Variants in FGGY observed in about 807,000 individuals in gnomAD.
FGGY encodes FGGY carbohydrate kinase domain-containing protein.
A neutral mutation model predicts 71.3 loss-of-function variants in FGGY; 72 were observed. That is an observed-to-expected ratio of 1.01 (90% CI 0.84 to 1.23). The LOEUF is 1.23. Among genes scored for constraint, FGGY ranks in the 50% most tolerant of loss-of-function variants. The pLI is 0.00. For synonymous variants in FGGY, 251 were observed against 250.3 expected, an observed-to-expected ratio of 1.00 and a Z score of -0.02; for missense variants, 668 against 682.3, an observed-to-expected ratio of 0.98 and a Z score of 0.23.
At chr1:59,589,088 G>A (rs540553911) in intron 8 of FGGY, among the ~76,000 whole-genome samples, 1 of 152,262 alleles carries the variant, frequency 6.6e-6, no homozygotes, top group South Asian at 2.1e-4. Flanking sequence ...TAAAAGGATG[G>A]AGGAAGATCT....
intron 14 of FGGY, among the ~76,000 whole-genome samples, chr1:59,715,578 T>G (rs1401367086): frequency 6.6e-6 from 1 of 152,240 alleles, no homozygotes; most frequent in Non-Finnish European, 1.5e-5. Flanking sequence ...CAGTCAAGCC[T>G]GTGCTCTAAG....
At chr1:59,371,981 ACAT>A (rs2057731730) in intron 4 of FGGY, among the ~76,000 whole-genome samples, 1 of 152,112 alleles carries the variant, frequency 6.6e-6, no homozygotes. Flanking sequence ...TGACACCCTA[ACAT>A]CACAATTAAA....
In FGGY at chr1:59,588,554, C is replaced by A. The variant is rs991242108; in HGVS notation, c.904-19249C>A. On this transcript the variant is annotated intron_variant, in intron 8 of 15. Transcript: ENST00000303721. ...CAGCCAGAGAGAAAGGGCGGGTTAC[C>A]CACAAAGGGAAGCCCATCAGACTAA... is the stretch of plus-strand genomic sequence containing the variant. Among the ~76,000 whole-genome samples the A allele has an allele frequency of 1.8e-4, 27 of 152,198 alleles. 1 individual carries two copies. Among genetic ancestry groups the A allele is most frequent in the Admixed American group, 6.5e-4 (10 of 15,286 alleles).
intron 6 of FGGY, among the ~76,000 whole-genome samples, chr1:59,487,020 G>A (rs2093677365): frequency 6.6e-6 from 1 of 152,136 alleles, no homozygotes; most frequent in African/African-American, 2.4e-5. Flanking sequence ...ACACTCCAAG[G>A]AGTCTCATGT....
At position 59,461,874 on chromosome 1, in the gene FGGY, G is replaced by A. The variant is rs569490289; in HGVS notation, c.670+4798G>A. ...AAGTTTTAGGGTACATGTGCACAAT[G>A]TGCAGGTTAGTTACATATGTATACA... On this transcript the variant is annotated intron_variant, in intron 6 of 15. Coordinates refer to ENST00000303721, the MANE Select transcript of FGGY (RefSeq NM_018291.5). Among the ~76,000 whole-genome samples the A allele has an allele frequency of 3.6e-4, 54 of 151,822 alleles. 1 individual carries two copies. The South Asian group carries it at 9.8e-3, about 28-fold the overall frequency.
intron 6 of FGGY, among the ~76,000 whole-genome samples, chr1:59,501,939 A>G (rs2094238109): frequency 6.6e-6 from 1 of 152,310 alleles, no homozygotes; most frequent in South Asian, 2.1e-4. Context: ...ATACACTGGG[A>G]ATAGGGAGTC....
At chr1:59,619,682 T>C (rs894772161) in intron 9 of FGGY, among the ~76,000 whole-genome samples, 29 of 152,054 alleles carry the variant, frequency 1.9e-4, no homozygotes, top group African/African-American at 6.8e-4. Flanking sequence ...GTCTACATTA[T>C]TGGCCACAGT....
At chr1:59,533,949 T>G (rs2095239565) in intron 7 of FGGY, among the ~76,000 whole-genome samples, 1 of 152,198 alleles carries the variant, frequency 6.6e-6, no homozygotes, top group Non-Finnish European at 1.5e-5. Flanking sequence ...GGAACGGAGT[T>G]CCTCACCAGC....
intron 14 of FGGY, among the ~76,000 whole-genome samples, chr1:59,683,391 G>T (rs1573132120): frequency 2.0e-5 from 3 of 152,158 alleles, no homozygotes; most frequent in Non-Finnish European, 4.4e-5. Context: ...ATAAAGCAGG[G>T]TTGTTGGGGG....
chr1:59,695,672 C>G (rs939650696), intron 14 of FGGY, among the ~76,000 whole-genome samples: 1 of 152,162 alleles, frequency 6.6e-6, no homozygotes, highest in Non-Finnish European at 1.5e-5. Context: ...GTAGTTAGTA[C>G]AAAACCAGGA....
chr1:59,444,883 G>C (rs567227363), intron 5 of FGGY, among the ~76,000 whole-genome samples: 2 of 152,248 alleles, frequency 1.3e-5, no homozygotes, highest in South Asian at 2.1e-4. Context: ...GTATAAAACA[G>C]AGTTTATTTC....
intron 14 of FGGY, among the ~76,000 whole-genome samples, chr1:59,722,310 G>C (rs1224170003): frequency 1.3e-5 from 2 of 152,100 alleles, no homozygotes; most frequent in African/African-American, 4.8e-5. Flanking sequence ...GTCACCTAAG[G>C]TAGTGTTTGT....
chr1:59,538,322 A>G (rs34212242), intron 7 of FGGY, among the ~76,000 whole-genome samples: 14,846 of 150,584 alleles, frequency 0.099, 868 homozygotes, highest in South Asian at 0.28. Context: ...TAGAATGGCA[A>G]TCATTAAAAA....
chr1:59,483,794 C>T (rs1284445922), intron 6 of FGGY, among the ~76,000 whole-genome samples: 2 of 152,052 alleles, frequency 1.3e-5, no homozygotes, highest in African/African-American at 4.8e-5. Flanking sequence ...CACTGTTATT[C>T]CAACTTCAGT....
chr1:59,614,140 T>G (rs1225406246), intron 9 of FGGY, among the ~76,000 whole-genome samples: 1 of 152,184 alleles, frequency 6.6e-6, no homozygotes, highest in African/African-American at 2.4e-5. Flanking sequence ...CCTCCCTAAC[T>G]CATTTTATGA....
At chr1:59,406,424 G>C (rs1349892528) in intron 5 of FGGY, among the ~76,000 whole-genome samples, 1 of 152,072 alleles carries the variant, frequency 6.6e-6, no homozygotes, top group Admixed American at 6.6e-5. Flanking sequence ...CAAGCATTGT[G>C]CAAAAGTACT....
intron 6 of FGGY, among the ~76,000 whole-genome samples, chr1:59,468,210 A>G (rs2092748486): frequency 6.6e-6 from 1 of 152,112 alleles, no homozygotes; most frequent in African/African-American, 2.4e-5. Flanking sequence ...ACTGGCTTCA[A>G]TTGTTTCTAA....
At chr1:59,375,184 C>G (rs369775099) in intron 4 of FGGY, among the ~76,000 whole-genome samples, 1 of 146,372 alleles carries the variant, frequency 6.8e-6, no homozygotes, top group African/African-American at 2.5e-5. Flanking sequence ...CTCTTGAACC[C>G]GGGGTGCAGA....
At chr1:59,511,229 C>G (rs570454338) in intron 6 of FGGY, among the ~76,000 whole-genome samples, 1 of 152,160 alleles carries the variant, frequency 6.6e-6, no homozygotes, top group Admixed American at 6.5e-5. Context: ...ACTCTCTGAC[C>G]CCTCTCCCAA....
Sources: allele counts gnomAD v4.1 joint callset (sites outside exome capture counted in the v4.1 genomes callset), GRCh38; gene constraint gnomAD v4.1.1; transcripts MANE v1.5; gene names NCBI Gene and HGNC (gene_info 2026-07-23, HGNC 2026-07-21).